The following DENND6A variants were observed in gnomAD, a reference collection of about 807,000 sequenced individuals.
DENND6A encodes the protein protein DENND6A.
DENND6A carries 43 observed loss-of-function variants against 95.5 expected under a neutral mutation model. The observed-to-expected ratio is 0.45, with a 90% CI of 0.35 to 0.58. The LOEUF is 0.58. DENND6A is among the 20% of genes least tolerant of loss of function. The pLI is 0.00. For missense variants in DENND6A, 574 were observed against 736.0 expected, an observed-to-expected ratio of 0.78 and a Z score of 2.55; for synonymous variants, 257 against 260.4, an observed-to-expected ratio of 0.99 and a Z score of 0.13.
chr3:57,663,970 A>C (rs984122936), intron 4 of DENND6A, among the ~76,000 whole-genome samples: 3 of 152,176 alleles, frequency 2.0e-5, no homozygotes, highest in Non-Finnish European at 4.4e-5. Context: ...AATTAAAACA[A>C]AAAAACCCTC....
chr3:57,692,736 C>A, intron 1 of DENND6A, 46 bp downstream of exon 1: 1 of 1,383,528 alleles, frequency 7.2e-7, no homozygotes. Context: ...TGCAGCCGCC[C>A]CGGCGCAGGG....
intron 1 of DENND6A, among the ~76,000 whole-genome samples, chr3:57,676,790 G>A (rs1204799033): frequency 6.6e-6 from 1 of 152,002 alleles, no homozygotes. Flanking sequence ...CTTTAATTCT[G>A]AGCTATAGCT....
chr3:57,649,157 A>G (rs1025973606), intron 9 of DENND6A, among the ~76,000 whole-genome samples: 1 of 152,182 alleles, frequency 6.6e-6, no homozygotes, highest in African/African-American at 2.4e-5. Context: ...TTAAATCAGC[A>G]AGAACAAAAT....
At chr3:57,641,322 ATAT>A (rs1575822052) in intron 12 of DENND6A, among the ~76,000 whole-genome samples, 7 of 144,634 alleles carry the variant, frequency 4.8e-5, no homozygotes, top group Non-Finnish European at 9.1e-5. Context: ...TATATTCAAT[ATAT>A]TATATTAAAA....
At chr3:57,683,531 G>A (rs190767634) in intron 1 of DENND6A, among the ~76,000 whole-genome samples, 1 of 152,266 alleles carries the variant, frequency 6.6e-6, no homozygotes, top group East Asian at 1.9e-4. Flanking sequence ...CATTCCACAG[G>A]ACGGTAAAGC....
At chr3:57,684,624 AAAAC>A (rs1316532582) in intron 1 of DENND6A, among the ~76,000 whole-genome samples, 2 of 151,946 alleles carry the variant, frequency 1.3e-5, no homozygotes, top group Non-Finnish European at 1.5e-5. Flanking sequence ...TTTCTACAAA[AAAAC>A]AAAAAAGTAG....
At chr3:57,684,429 C>T (rs2077193954) in intron 1 of DENND6A, among the ~76,000 whole-genome samples, 1 of 152,146 alleles carries the variant, frequency 6.6e-6, no homozygotes, top group South Asian at 2.1e-4. Flanking sequence ...TGCCACTGCA[C>T]TCTAGCCTGG....
At chr3:57,653,669 C>T (rs932844824) in intron 9 of DENND6A, among the ~76,000 whole-genome samples, 1 of 151,148 alleles carries the variant, frequency 6.6e-6, no homozygotes, top group Non-Finnish European at 1.5e-5. Flanking sequence ...TTGCTTGAAC[C>T]CAGGAGGCGG....
rs1157141512 is a variant in DENND6A at position 57,645,708 on chromosome 3, A to G, written c.990T>C (p.Thr330=). ...KYFSDFRPYF[T]IHDSEFKEYT... is the part of the protein sequence containing the mutation. ...ATTCTTTGAATTCACTATCATGAAT[A>G]GTGAAATAAGGTCGGAAATCACTGA... Residue 330 remains threonine (T), a synonymous_variant, in exon 11 of 20, where the codon ACT becomes ACC. Coordinates refer to ENST00000311128, the MANE Select transcript of DENND6A (RefSeq NM_152678.3). The G allele has an allele frequency of 6.2e-7, 1 of 1,613,598 alleles. No homozygotes were observed. The highest frequency in any genetic ancestry group is 1.7e-5 in the Admixed American group (1 of 60,004).
intron 11 of DENND6A, 91 bp downstream of exon 11, chr3:57,645,570 T>C (rs1400926586): frequency 1.1e-5 from 10 of 881,598 alleles, no homozygotes; most frequent in Non-Finnish European, 1.7e-5. Flanking sequence ...TATAAGATCA[T>C]TCTGCCTATA....
chr3:57,634,833 T>A (rs2070758317), intron 12 of DENND6A, 64 bp from the exon 13 acceptor site: 3 of 1,248,412 alleles, frequency 2.4e-6, no homozygotes, highest in Non-Finnish European at 3.3e-6. Flanking sequence ...AAATTGGAAC[T>A]TTATAAGATT....
chr3:57,660,032 C>T (rs376421636), intron 7 of DENND6A, among the ~76,000 whole-genome samples: 2 of 152,240 alleles, frequency 1.3e-5, no homozygotes, highest in South Asian at 2.1e-4. Context: ...GCCATGAGAT[C>T]AGAGGTGCCT....
intron 1 of DENND6A, among the ~76,000 whole-genome samples, chr3:57,684,394 C>G (rs2077193538): frequency 6.6e-6 from 1 of 151,110 alleles, no homozygotes; most frequent in African/African-American, 2.4e-5. Context: ...ACTTGGGAAT[C>G]AGAGGTTGCG....
At chr3:57,658,053 G>A (rs564518387) in intron 8 of DENND6A, among the ~76,000 whole-genome samples, 48 of 151,958 alleles carry the variant, frequency 3.2e-4, no homozygotes, top group Non-Finnish European at 5.6e-4. Flanking sequence ...TGGCTAACAC[G>A]GTGAAATCCC....
intron 9 of DENND6A, chr3:57,654,779 C>A (rs2071291034): frequency 2.0e-6 from 2 of 985,228 alleles, no homozygotes; most frequent in Middle Eastern, 5.2e-4. Context: ...TACTCAAATT[C>A]AAATGCCTTT....
rs760719142 is a variant in DENND6A at position 57,646,351 on chromosome 3, T to C, written c.906A>G (p.Pro302=). Residue 302 remains proline (P), a synonymous_variant, in exon 10 of 20, where the codon CCA becomes CCG. Transcript: ENST00000311128. ...GEPLVVMAPS[P]SESSETVLAL... ...CCAATACAGTCTCTGATGATTCCGA[T>C]GGTGATGGCGCCATAACCACAAGGG... is the stretch of plus-strand genomic sequence containing the variant. The C allele has an allele frequency of 5.6e-6, 9 of 1,613,654 alleles. No individual in the cohort carries two copies. Among genetic ancestry groups the C allele is most frequent in the Non-Finnish European group, 7.6e-6 (9 of 1,179,996 alleles).
intron 11 of DENND6A, among the ~76,000 whole-genome samples, chr3:57,645,401 C>T (rs915835211): frequency 2.6e-5 from 4 of 152,120 alleles, no homozygotes; most frequent in African/African-American, 9.7e-5. Flanking sequence ...GCAGAGGTTG[C>T]AGTGAGCCGA....
chr3:57,669,929 G>A (rs1379311590), intron 3 of DENND6A, among the ~76,000 whole-genome samples: 2 of 147,676 alleles, frequency 1.4e-5, no homozygotes, highest in Non-Finnish European at 3.0e-5. Flanking sequence ...GCTGAGGCAG[G>A]AGAATCACTT....
intron 1 of DENND6A, among the ~76,000 whole-genome samples, chr3:57,675,532 G>C (rs138938142): frequency 6.6e-6 from 1 of 152,046 alleles, no homozygotes; most frequent in Non-Finnish European, 1.5e-5. Context: ...CACAATAAAG[G>C]CTATCCTAAT....
Sources: allele counts gnomAD v4.1 joint callset (sites outside exome capture counted in the v4.1 genomes callset), GRCh38; gene constraint gnomAD v4.1.1; transcripts MANE v1.5; gene names NCBI Gene and HGNC (gene_info 2026-07-23, HGNC 2026-07-21).